Variants in HARBI1 observed in about 807,000 individuals in gnomAD.
HARBI1 encodes the protein putative nuclease HARBI1.
A neutral mutation model predicts 25.3 loss-of-function variants in HARBI1; 15 were observed. The ratio of observed to expected loss-of-function variants is 0.59; its 90% CI spans 0.40 to 0.91. HARBI1 has a LOEUF of 0.91. HARBI1 is among the 40% of genes least tolerant of loss of function. The pLI is 0.00. For synonymous variants in HARBI1, 168 were observed against 160.5 expected (o/e 1.05, Z -0.35); for missense variants, 396 against 445.8 (o/e 0.89, Z 1.01).
intron 2 of HARBI1, among the ~76,000 whole-genome samples, chr11:46,608,262 C>T (rs2045033722): frequency 6.6e-6 from 1 of 152,118 alleles, no homozygotes. Context: ...CGCCCCATTG[C>T]ACCACAGCCT....
rs1267076769 is a variant in HARBI1, at chr11:46,603,643, G to C, written c.937C>G (p.Pro313Ala). The C allele has an allele frequency of 6.2e-7, 1 of 1,614,176 alleles. No homozygotes were observed. The highest frequency in any genetic ancestry group is 8.5e-7 in the Non-Finnish European group (1 of 1,180,022). The change falls in exon 3 of 3, where the codon CCA becomes GCA. Residue 313 changes from proline to alanine, a missense_variant. Transcript: ENST00000326737. ...GGCTGTTCCATGGGTCCTGTCATTG[G>C]AGAGGACCAAACATCCATCCCATGC... ...LEHGMDVWSS[P>A]MTGPMEQPPE...
chr11:46,612,733 C>G (rs923155615), intron 2 of HARBI1, among the ~76,000 whole-genome samples: 3 of 144,102 alleles, frequency 2.1e-5, no homozygotes, highest in African/African-American at 7.8e-5. Context: ...TGCAATGGTG[C>G]GATCTCGACT....
chr11:46,605,406 T>C (rs888892494), intron 2 of HARBI1, among the ~76,000 whole-genome samples: 10 of 151,758 alleles, frequency 6.6e-5, no homozygotes, highest in African/African-American at 2.4e-4. Flanking sequence ...TTTCACTATG[T>C]TACCCAGGCT....
rs772345259 is a variant in HARBI1 at position 46,615,996 on chromosome 11, G to T, written c.242C>A (p.Thr81Asn). 6.2e-7 allele frequency: 1 copy of T among 1,614,046 alleles called. No individual in the cohort carries two copies. The highest frequency in any genetic ancestry group is 8.5e-7 in the Non-Finnish European group (1 of 1,180,050). ...CATCCGAGTCTGGAAGGAACCTGAG[G>T]TATAAAAACCCAATGCTGCAAGGAC... Reference protein sequence around the residue: ...TQVLAALGFYTSGSFQTRMGD... With the variant: ...TQVLAALGFYNSGSFQTRMGD... The change falls in exon 2 of 3, where the codon ACC becomes AAC. Residue 81 changes from threonine (T) to asparagine (N), a missense_variant. Physicochemically the swap from Thr to Asn is moderately conservative, Grantham distance 65 (BLOSUM62 0). Transcript: ENST00000326737.
At chr11:46,608,128 G>A (rs111726351) in intron 2 of HARBI1, among the ~76,000 whole-genome samples, 3 of 152,088 alleles carry the variant, frequency 2.0e-5, no homozygotes, top group South Asian at 2.1e-4. Context: ...GTGAAGCCCC[G>A]TCTCTACTAA....
rs1489483856 is a variant in HARBI1, at chr11:46,603,597, T to A, written c.983A>T (p.His328Leu). 1.2e-6 allele frequency: 2 copies of A among 1,614,098 alleles called. No individual in the cohort carries two copies. The highest frequency in any genetic ancestry group is 4.5e-5 in the East Asian group (2 of 44,884). ...AGCCTCTAAGTCCAGGGACTCCATG[T>A]GCTCATACTCCTCTTCCGGGGGCTG... ...MEQPPEEEYE[H>L]MESLDLEADR... Residue 328 changes from histidine (H) to leucine (L), a missense_variant, in exon 3 of 3, where the codon CAC (histidine) becomes CTC (leucine). Transcript: ENST00000326737.
rs535319615 is a variant in HARBI1, at chr11:46,605,229, T to C, written c.671-1320A>G. Among the ~76,000 whole-genome samples the C allele has an allele frequency of 1.4e-3, 215 of 152,298 alleles. 3 individuals carry two copies. The highest frequency in any genetic ancestry group is 3.4e-3 in the Middle Eastern group (1 of 294). On this transcript the variant is annotated intron_variant, in intron 2 of 2. Coordinates refer to ENST00000326737, the MANE Select transcript of HARBI1 (RefSeq NM_173811.4). ...CTTTTAGGCGCTTACATTTATTTTT[T>C]TGGAGACAGAGTTTTGCTCTGTCAC...
chr11:46,604,307 T>C, intron 2 of HARBI1: 4 of 903,196 alleles, frequency 4.4e-6, no homozygotes, highest in Non-Finnish European at 5.3e-6. Context: ...AGGCCCGGAG[T>C]TCAAGACCAG....
At chr11:46,611,637 G>A (rs1212990317) in intron 2 of HARBI1, among the ~76,000 whole-genome samples, 3 of 151,828 alleles carry the variant, frequency 2.0e-5, no homozygotes, top group South Asian at 2.1e-4. Context: ...ATTGAGCCCA[G>A]GAGGTCAAGG....
At chr11:46,617,343 T>G (rs2045639345), upstream of HARBI1, 1 of 152,544 alleles carries the variant, frequency 6.6e-6, no homozygotes, top group Non-Finnish European at 1.5e-5. Context: ...ACGGTCTCTC[T>G]CTCTCTCTCT....
At chr11:46,611,654 T>C (rs1336584471) in intron 2 of HARBI1, among the ~76,000 whole-genome samples, 1 of 149,098 alleles carries the variant, frequency 6.7e-6, no homozygotes, top group Non-Finnish European at 1.5e-5. Context: ...AAGGCTGCAG[T>C]GAGTCATAAT....
intron 2 of HARBI1, chr11:46,604,640 T>TTTCATGGAC: frequency 1.0e-6 from 1 of 984,970 alleles, no homozygotes; most frequent in African/African-American, 1.7e-5. Flanking sequence ...TTTCAGGGGA[T>TTTCATGGAC]TTCATGGACT....
intron 2 of HARBI1, among the ~76,000 whole-genome samples, chr11:46,605,183 C>T (rs1214675431): frequency 1.3e-5 from 2 of 152,112 alleles, no homozygotes; most frequent in African/African-American, 4.8e-5. Context: ...AGGCACTGTT[C>T]CCAACATACA....
At position 46,616,050 on chromosome 11, in the gene HARBI1, C is replaced by T. The variant is rs1787524839; in HGVS notation, c.188G>A (p.Arg63Gln). Residue 63 changes from arginine (R) to glutamine (Q), a missense_variant, in exon 2 of 3, where the codon CGA becomes CAA. Coordinates refer to ENST00000326737, the MANE Select transcript of HARBI1 (RefSeq NM_173811.4). Reference sequence around the variant, plus strand: ...TGTCTCTGGGCTAATAGCCCTGGATCGCTGAGTAGGCCTAGAAAGATTCGC... The same window carrying T: ...TGTCTCTGGGCTAATAGCCCTGGATTGCTGAGTAGGCCTAGAAAGATTCGC... ...LGANLSRPTQ[R>Q]SRAISPETQV... The T allele has an allele frequency of 6.2e-7, 1 of 1,614,184 alleles. No homozygotes were observed. Among genetic ancestry groups the T allele is most frequent in the Non-Finnish European group, 8.5e-7 (1 of 1,180,032 alleles).
chr11:46,607,748 C>T (rs1022876491), intron 2 of HARBI1, among the ~76,000 whole-genome samples: 1 of 151,976 alleles, frequency 6.6e-6, no homozygotes, highest in Non-Finnish European at 1.5e-5. Flanking sequence ...GCAGATCTTA[C>T]CCAAAGCTGC....
intron 2 of HARBI1, among the ~76,000 whole-genome samples, chr11:46,614,908 A>G (rs1208805469): frequency 6.6e-6 from 1 of 152,006 alleles, no homozygotes; most frequent in Non-Finnish European, 1.5e-5. Context: ...TCCACTACAT[A>G]ATTTTTCTTT....
At chr11:46,609,024 A>T (rs1190991632) in intron 2 of HARBI1, among the ~76,000 whole-genome samples, 3 of 151,626 alleles carry the variant, frequency 2.0e-5, no homozygotes, top group Non-Finnish European at 2.9e-5. Flanking sequence ...CCCAGGTTCA[A>T]GCGATTCTCC....
Position 46,615,934 on chromosome 11 carries a change from G to C in HARBI1, c.304C>G (p.Arg102Gly), listed in dbSNP as rs1272958871. 1 of 1,614,048 alleles carries C rather than the reference G, an allele frequency of 6.2e-7. No homozygotes were observed. Among genetic ancestry groups the C allele is most frequent in the Non-Finnish European group, 8.5e-7 (1 of 1,180,042 alleles). Residue 102 changes from arginine to glycine, a missense_variant, in exon 2 of 3, where the codon CGT becomes GGT. Arg to Gly is a moderately radical substitution (Grantham distance 125). Transcript: ENST00000326737. The part of the protein sequence containing the change: ...AIGISQASMS[R>G]CVANVTEALV... Reference sequence around the variant, plus strand: ...GCTTCAGTGACATTGGCAACACAACGACTCATAGACGCCTGACTGATTCCA... The same window carrying C: ...GCTTCAGTGACATTGGCAACACAACCACTCATAGACGCCTGACTGATTCCA...
At chr11:46,607,219 G>A (rs368474407) in intron 2 of HARBI1, among the ~76,000 whole-genome samples, 68 of 140,000 alleles carry the variant, frequency 4.9e-4, no homozygotes, top group African/African-American at 1.7e-3. Flanking sequence ...CCGAGATCAC[G>A]CCACTGCACT....
Sources: gnomAD v4.1 joint callset for allele counts (sites outside exome capture counted in the v4.1 genomes callset) on GRCh38, gnomAD v4.1.1 for gene constraint, MANE v1.5 for transcripts, NCBI Gene and HGNC (gene_info 2026-07-23, HGNC 2026-07-21) for gene names.